The following ORC2 variants were observed in gnomAD, a reference collection of about 807,000 sequenced individuals.
ORC2 encodes the protein origin recognition complex subunit 2.
Under a neutral mutation model 77.7 loss-of-function variants are expected in ORC2, and 37 were observed. The ratio of observed to expected loss-of-function variants is 0.48; its 90% CI spans 0.37 to 0.63. ORC2 has a LOEUF of 0.63. Ranked by LOEUF, ORC2 falls within the 20% of genes least tolerant of loss-of-function variation. ORC2 has a pLI of 0.00. For missense variants in ORC2, 557 were observed against 661.9 expected (o/e 0.84, Z 1.74); for synonymous variants, 201 against 229.5 (o/e 0.88, Z 1.12).
At chr2:200,946,645 C>T (rs1559020077) in intron 5 of ORC2, among the ~76,000 whole-genome samples, 1 of 152,158 alleles carries the variant, frequency 6.6e-6, no homozygotes, top group African/African-American at 2.4e-5. Context: ...AAATACAACA[C>T]ATTATCATCT....
intron 1 of ORC2, chr2:200,962,996 A>G (rs149408640): frequency 9.8e-4 from 151 of 153,508 alleles, no homozygotes; most frequent in African/African-American, 3.3e-3. Flanking sequence ...CTGGGATGAC[A>G]TCAAAGGTTC....
chr2:200,921,101 C>T lies in ORC2; in HGVS notation c.1186G>A (p.Asp396Asn), dbSNP rs1224841052. 1 of 1,605,740 alleles carries T rather than the reference C, an allele frequency of 6.2e-7. No individual in the cohort carries two copies. Among genetic ancestry groups the T allele is most frequent in the Non-Finnish European group, 8.5e-7 (1 of 1,174,798 alleles). Residue 396 changes from aspartate (D) to asparagine (N), a missense_variant, in exon 14 of 18, where the codon GAT becomes AAT. Transcript: ENST00000234296. ...LELFLLIHNL[D>N]SQMLRGEKSQ... ...TTCTCTCCTCTCAACATCTGGCTATCCAAATTGTGGATGAGAAGGAAGAGT... is the reference window on the plus strand; with the variant it reads ...TTCTCTCCTCTCAACATCTGGCTATTCAAATTGTGGATGAGAAGGAAGAGT...
chr2:200,911,476 A>T, intron 17 of ORC2, 89 bp from the exon 18 acceptor site: 1 of 672,084 alleles, frequency 1.5e-6, no homozygotes, highest in Non-Finnish European at 2.5e-6. Flanking sequence ...AAATGAATTT[A>T]TTTCTTGGAT....
At chr2:200,945,126 C>T (rs1358225644) in intron 5 of ORC2, among the ~76,000 whole-genome samples, 1 of 152,138 alleles carries the variant, frequency 6.6e-6, no homozygotes, top group African/African-American at 2.4e-5. Flanking sequence ...AGCTGGCTGA[C>T]CTTTGCTCTG....
chr2:200,946,239 C>T (rs2041248436), intron 5 of ORC2, among the ~76,000 whole-genome samples: 1 of 151,926 alleles, frequency 6.6e-6, no homozygotes, highest in South Asian at 2.1e-4. Context: ...ATCCTCTTAC[C>T]TTTTCCTCTC....
intron 13 of ORC2, among the ~76,000 whole-genome samples, chr2:200,925,333 T>C (rs2040823922): frequency 6.6e-6 from 1 of 152,096 alleles, no homozygotes. Flanking sequence ...CTTTTGGATA[T>C]ACAAACTTAA....
In ORC2 at chr2:200,935,767, GA is replaced by G; in HGVS notation, c.639del (p.Gln214ArgfsTer4). ...NAVIFSQKIQ[A>X]QNRVVSAPVG... ...ACAGGAGCTGAAACTACTCTATTCT[GA>G]GCTTGAATCTTTTGGCTGAATATGA... On this transcript the variant is annotated frameshift_variant, in exon 9 of 18. Coordinates refer to ENST00000234296, the MANE Select transcript of ORC2 (RefSeq NM_006190.5). LOFTEE classifies it high-confidence loss of function. The G allele has an allele frequency of 6.2e-7, 1 of 1,614,020 alleles. No homozygotes were observed. Among genetic ancestry groups the G allele is most frequent in the South Asian group, 1.1e-5 (1 of 91,072 alleles).
At chr2:200,960,248 G>C (rs1028650671) in intron 1 of ORC2, among the ~76,000 whole-genome samples, 4 of 152,010 alleles carry the variant, frequency 2.6e-5, no homozygotes, top group African/African-American at 9.7e-5. Context: ...AAACTGCTGG[G>C]ATTACAGGAG....
chr2:200,938,900 G>A (rs562894181), intron 7 of ORC2, among the ~76,000 whole-genome samples: 9 of 152,110 alleles, frequency 5.9e-5, no homozygotes, highest in African/African-American at 1.9e-4. Flanking sequence ...TTAGCCGGGC[G>A]TGCTGGTGCA....
chr2:200,949,938 G>A (rs1481920379), intron 4 of ORC2, among the ~76,000 whole-genome samples: 1 of 152,204 alleles, frequency 6.6e-6, no homozygotes, highest in Non-Finnish European at 1.5e-5. Context: ...TTGTCCCTGG[G>A]AAGGGAGGAC....
chr2:200,926,633 T>C, intron 12 of ORC2, 135 bp downstream of exon 12: 1 of 709,906 alleles, frequency 1.4e-6, no homozygotes, highest in Non-Finnish European at 2.3e-6. Flanking sequence ...TCCAAACACA[T>C]GGTATTAAGC....
In ORC2 at chr2:200,913,844, C is replaced by T. The variant is rs545257311; in HGVS notation, c.1528+87G>A. On this transcript the variant is annotated intron_variant, in intron 16 of 17. Coordinates refer to ENST00000234296, the MANE Select transcript of ORC2 (RefSeq NM_006190.5). ...ACCACTTACTCACTGCTGTGAAAAACTGCACTGCTGTCATTAAATTCCAGA... is the reference window on the plus strand; with the variant it reads ...ACCACTTACTCACTGCTGTGAAAAATTGCACTGCTGTCATTAAATTCCAGA... The T allele has an allele frequency of 7.8e-5, 115 of 1,476,768 alleles. No individual in the cohort carries two copies. The South Asian group carries it at 1.4e-3, about 18-fold the overall frequency. 91.5% of individuals were successfully genotyped at this position (1,476,768 alleles called of 1,614,324 possible). A position where few individuals can be genotyped will look rare whatever the true frequency, so the allele number is the denominator to read the frequency against.
chr2:200,911,528 A>G (rs2040551766), intron 17 of ORC2, 141 bp from the exon 18 acceptor site: 1 of 552,466 alleles, frequency 1.8e-6, no homozygotes. Context: ...AAAAGGGCAC[A>G]CAGTCATATA....
intron 9 of ORC2, 77 bp downstream of exon 9, chr2:200,935,622 G>A: frequency 1.0e-6 from 1 of 954,484 alleles, no homozygotes. Flanking sequence ...TTTGAGAGAT[G>A]TGGATCTCTT....
intron 10 of ORC2, among the ~76,000 whole-genome samples, chr2:200,933,212 T>A (rs1298054245): frequency 6.6e-6 from 1 of 151,870 alleles, no homozygotes; most frequent in African/African-American, 2.4e-5. Context: ...CCCCAGCAAG[T>A]ATAACTGTAT....
intron 4 of ORC2, among the ~76,000 whole-genome samples, chr2:200,954,570 C>T (rs1007256697): frequency 1.3e-5 from 2 of 152,130 alleles, no homozygotes; most frequent in Non-Finnish European, 2.9e-5. Context: ...GAAATGTTAA[C>T]GGTTCCACGT....
chr2:200,914,141 C>T (rs2040598754), intron 15 of ORC2, 149 bp from the exon 16 acceptor site: 2 of 521,690 alleles, frequency 3.8e-6, no homozygotes, highest in Non-Finnish European at 6.8e-6. Flanking sequence ...TCCTTGCCTA[C>T]TTAAACAGAA....
chr2:200,943,276 G>A (rs2041188071), intron 5 of ORC2: 1 of 152,056 alleles, frequency 6.6e-6, no homozygotes, highest in African/African-American at 2.4e-5. Flanking sequence ...ATAAAATAGA[G>A]TGTTGAACAG....
intron 1 of ORC2, among the ~76,000 whole-genome samples, chr2:200,960,159 G>A (rs1001964789): frequency 1.3e-5 from 2 of 151,762 alleles, no homozygotes; most frequent in Non-Finnish European, 2.9e-5. Flanking sequence ...TGTATTTTTT[G>A]TAGAAATGAG....
Sources: allele counts gnomAD v4.1 joint callset (sites outside exome capture counted in the v4.1 genomes callset), GRCh38; gene constraint gnomAD v4.1.1; transcripts MANE v1.5; gene names NCBI Gene and HGNC (gene_info 2026-07-23, HGNC 2026-07-21).